Variants in PRIM2 observed in about 807,000 individuals in gnomAD.
The protein encoded by PRIM2 is DNA primase subunit 2.
In PRIM2, 39 loss-of-function variants were observed where a neutral mutation model predicts 67.3. The ratio of observed to expected loss-of-function variants is 0.58; its 90% CI spans 0.45 to 0.76. The LOEUF (loss-of-function observed/expected upper bound fraction) is 0.76, where lower values mean the gene tolerates loss of function less well. Ranked by LOEUF, PRIM2 falls within the 30% of genes least tolerant of loss-of-function variation. The probability of loss-of-function intolerance (pLI) is 0.00; values close to 1 mark genes in which losing one functional copy is unlikely to be tolerated. For missense variants in PRIM2, 398 were observed against 598.7 expected (o/e 0.66, Z 3.50); for synonymous variants, 143 against 198.7 (o/e 0.72, Z 2.36).
intron 12 of PRIM2, among the ~76,000 whole-genome samples, chr6:57,611,908 A>G (rs1776673803): frequency 6.6e-6 from 1 of 152,102 alleles, no homozygotes; most frequent in Non-Finnish European, 1.5e-5. Context: ...AGTAACTAGA[A>G]AACAGTTTTT....
At chr6:57,383,758 T>C (rs1057141934) in intron 7 of PRIM2, among the ~76,000 whole-genome samples, 1 of 152,154 alleles carries the variant, frequency 6.6e-6, no homozygotes, top group African/African-American at 2.4e-5. Context: ...TGAGTCCTTG[T>C]TGCTGTCGTT....
intron 8 of PRIM2, among the ~76,000 whole-genome samples, chr6:57,508,928 A>T (rs1774303055): frequency 6.6e-6 from 1 of 152,182 alleles, no homozygotes; most frequent in African/African-American, 2.4e-5. Context: ...CAACATACCT[A>T]CATTTTCAGG....
At chr6:57,271,014 G>A in the PRIM2 span, among the ~76,000 whole-genome samples, 9 of 152,050 alleles carry the variant, frequency 5.9e-5, no homozygotes, top group Middle Eastern at 3.2e-3. Context: ...TTGATGTGCC[G>A]CTGGATTTGG....
At chr6:57,427,065 T>C (rs1399853351) in intron 7 of PRIM2, among the ~76,000 whole-genome samples, 1 of 152,226 alleles carries the variant, frequency 6.6e-6, no homozygotes, top group Non-Finnish European at 1.5e-5. Flanking sequence ...AAATTTCTCT[T>C]CTTTTTTAGA....
intron 10 of PRIM2, among the ~76,000 whole-genome samples, chr6:57,547,852 T>A: frequency 6.6e-6 from 1 of 152,344 alleles, no homozygotes; most frequent in East Asian, 1.9e-4. Context: ...TTGTTAAAAA[T>A]TGACTACTGA....
intron 7 of PRIM2, among the ~76,000 whole-genome samples, chr6:57,499,027 T>C (rs1485733729): frequency 6.6e-6 from 1 of 152,166 alleles, no homozygotes; most frequent in Non-Finnish European, 1.5e-5. Flanking sequence ...AGAATATCCT[T>C]TAGGGGGTTT....
chr6:57,246,886 A>T, the PRIM2 span, among the ~76,000 whole-genome samples: 16 of 143,860 alleles, frequency 1.1e-4, no homozygotes, highest in African/African-American at 3.4e-4. Flanking sequence ...ACGGAGTCTC[A>T]CTCTGTCGCC....
the PRIM2 span, among the ~76,000 whole-genome samples, chr6:57,241,688 ATTTT>A: frequency 8.4e-6 from 1 of 119,112 alleles, no homozygotes; most frequent in Non-Finnish European, 1.6e-5. Flanking sequence ...AGAACTATGT[ATTTT>A]TTTTTTTTTT....
intron 10 of PRIM2, among the ~76,000 whole-genome samples, chr6:57,577,191 G>A (rs1451324099): frequency 2.0e-5 from 3 of 152,138 alleles, no homozygotes; most frequent in African/African-American, 4.8e-5. Flanking sequence ...TCTTGGGTAG[G>A]TACAGGCCTG....
At chr6:57,258,405 T>G in the PRIM2 span, among the ~76,000 whole-genome samples, 5 of 151,810 alleles carry the variant, frequency 3.3e-5, no homozygotes, top group Non-Finnish European at 5.9e-5. Flanking sequence ...AGGCATAGTG[T>G]CTCTTTATTT....
At chr6:57,283,443 A>C in the PRIM2 span, among the ~76,000 whole-genome samples, 1 of 152,208 alleles carries the variant, frequency 6.6e-6, no homozygotes, top group East Asian at 1.9e-4. Context: ...ATATTAGATT[A>C]ACATTGAATA....
intron 10 of PRIM2, among the ~76,000 whole-genome samples, chr6:57,599,945 A>G (rs1776430795): frequency 6.6e-6 from 1 of 152,196 alleles, no homozygotes; most frequent in African/African-American, 2.4e-5. Flanking sequence ...ATGCCACCAC[A>G]CACAGCTAAT....
chr6:57,429,101 A>G (rs1771733730), intron 7 of PRIM2, among the ~76,000 whole-genome samples: 1 of 152,208 alleles, frequency 6.6e-6, no homozygotes, highest in African/African-American at 2.4e-5. Flanking sequence ...TATAAATGGA[A>G]TCATACTGTT....
At chr6:57,595,758 C>G (rs1248214677) in intron 10 of PRIM2, among the ~76,000 whole-genome samples, 3 of 151,990 alleles carry the variant, frequency 2.0e-5, no homozygotes, top group African/African-American at 7.3e-5. Context: ...CCTTCCATGC[C>G]CTCTCTGGGT....
chr6:57,368,497 G>A (rs1232589220), intron 5 of PRIM2, among the ~76,000 whole-genome samples: 1 of 152,058 alleles, frequency 6.6e-6, no homozygotes, highest in Non-Finnish European at 1.5e-5. Flanking sequence ...TTAAATCTCT[G>A]GGAAGCCTTA....
chr6:57,545,567 A>G (rs1410016805), intron 10 of PRIM2, among the ~76,000 whole-genome samples: 9 of 152,112 alleles, frequency 5.9e-5, no homozygotes, highest in Admixed American at 2.0e-4. Context: ...AGTAGCTGGG[A>G]TTACAGGCAT....
intron 7 of PRIM2, among the ~76,000 whole-genome samples, chr6:57,416,060 C>T (rs535619850): frequency 9.2e-5 from 14 of 152,172 alleles, no homozygotes; most frequent in East Asian, 3.8e-4. Flanking sequence ...ATTGGTGAAT[C>T]GTTTCAGAAG....
At chr6:57,480,595 TC>T (rs1279391036) in intron 7 of PRIM2, among the ~76,000 whole-genome samples, 1 of 152,138 alleles carries the variant, frequency 6.6e-6, no homozygotes, top group East Asian at 1.9e-4. Context: ...CCTATGCTTG[TC>T]AGACACTAAC....
chr6:57,303,098 C>CGCCTGTAATCTCAGCACTTT, the PRIM2 span, among the ~76,000 whole-genome samples: 1 of 151,956 alleles, frequency 6.6e-6, no homozygotes, highest in Non-Finnish European at 1.5e-5. Flanking sequence ...AATATGTCCA[C>CGCCTGTAATCTCAGCACTTT]GTAAAAGCTA....
Sources: allele counts gnomAD v4.1 joint callset (sites outside exome capture counted in the v4.1 genomes callset), GRCh38; gene constraint gnomAD v4.1.1; transcripts MANE v1.5; gene names NCBI Gene and HGNC (gene_info 2026-07-23, HGNC 2026-07-21).